The following VPS54 variants were observed in gnomAD, a reference collection of about 807,000 sequenced individuals.
The protein encoded by VPS54 is vacuolar protein sorting-associated protein 54.
VPS54 carries 45 observed loss-of-function variants against 121.5 expected under a neutral mutation model. That is an observed-to-expected ratio of 0.37 (90% CI 0.29 to 0.47). The LOEUF (loss-of-function observed/expected upper bound fraction) is 0.47, where lower values mean the gene tolerates loss of function less well. VPS54 is among the 20% of genes least tolerant of loss of function. VPS54 has a pLI of 0.99. For missense variants in VPS54, 1,090 were observed against 1,131.4 expected (o/e 0.96, Z 0.52); for synonymous variants, 371 against 385.8 (o/e 0.96, Z 0.45).
At chr2:63,926,120 G>A (rs925114337) in intron 12 of VPS54, among the ~76,000 whole-genome samples, 2 of 152,174 alleles carry the variant, frequency 1.3e-5, no homozygotes, top group African/African-American at 4.8e-5. Context: ...TCAGCCCTTT[G>A]TCCTCTCCTT....
intron 3 of VPS54, among the ~76,000 whole-genome samples, chr2:63,977,985 T>C (rs6738024): frequency 0.043 from 6,550 of 152,306 alleles, 157 homozygotes; most frequent in African/African-American, 0.045. Flanking sequence ...CTGAGACATG[T>C]AGTCCTTTCC....
chr2:64,005,850 C>CA (rs1180465797), intron 1 of VPS54, among the ~76,000 whole-genome samples: 7 of 152,272 alleles, frequency 4.6e-5, no homozygotes, highest in Middle Eastern at 3.4e-3. Context: ...ACAGACCCTA[C>CA]AAGAGTCTGT....
At position 63,976,358 on chromosome 2, in the gene VPS54, A is replaced by C. The variant is rs556717807; in HGVS notation, c.379-4114T>G. ...AGAGCGTGACCTTGTCTCAAAAAAAAAAAAAACAAAAAACAAAAAAACACA... is the reference window on the plus strand; with the variant it reads ...AGAGCGTGACCTTGTCTCAAAAAAACAAAAAACAAAAAACAAAAAAACACA... On this transcript the variant is annotated intron_variant, in intron 3 of 22. Coordinates refer to ENST00000272322, the MANE Select transcript of VPS54 (RefSeq NM_016516.3). Among the ~76,000 whole-genome samples the C allele has an allele frequency of 5.7e-3, 862 of 151,706 alleles. 14 individuals carry two copies. Among genetic ancestry groups the C allele is most frequent in the African/African-American group, 0.019 (789 of 41,388 alleles).
intron 1 of VPS54, 102 bp downstream of exon 1, chr2:64,018,836 C>CTGGGGAGGAGAGCCGA (rs1184483645): frequency 7.6e-6 from 1 of 131,736 alleles, no homozygotes; most frequent in Non-Finnish European, 1.6e-5. Context: ...CCGTTTGGGG[C>CTGGGGAGGAGAGCCGA]TGGGGAGGAG....
At chr2:63,965,708 T>C (rs1053355002) in intron 6 of VPS54, 127 bp downstream of exon 6, 165 of 1,337,596 alleles carry the variant, frequency 1.2e-4, no homozygotes, top group Non-Finnish European at 1.7e-4. Context: ...GGGAGGCTTA[T>C]AGTTATCAGT....
intron 3 of VPS54, among the ~76,000 whole-genome samples, chr2:63,977,480 C>G (rs1356008785): frequency 2.0e-5 from 3 of 152,226 alleles, no homozygotes; most frequent in Non-Finnish European, 4.4e-5. Flanking sequence ...ATTTCTTCCC[C>G]TGCCACTTCA....
chr2:63,956,413 G>A (rs909970565), intron 7 of VPS54, among the ~76,000 whole-genome samples: 2 of 152,116 alleles, frequency 1.3e-5, no homozygotes, highest in African/African-American at 4.8e-5. Flanking sequence ...AGGCTTACAA[G>A]TAGAAAACAA....
chr2:63,911,136 C>T (rs1015938298), intron 20 of VPS54, among the ~76,000 whole-genome samples: 1 of 152,168 alleles, frequency 6.6e-6, no homozygotes, highest in African/African-American at 2.4e-5. Context: ...CAATATGTTA[C>T]CGACTTTTGG....
At chr2:64,014,846 T>C (rs1678604619) in intron 1 of VPS54, among the ~76,000 whole-genome samples, 1 of 152,186 alleles carries the variant, frequency 6.6e-6, no homozygotes, top group African/African-American at 2.4e-5. Flanking sequence ...GAGTAACTTA[T>C]CCATAAGGTA....
chr2:63,915,187 A>T (rs1232352607), intron 16 of VPS54, among the ~76,000 whole-genome samples: 6 of 149,060 alleles, frequency 4.0e-5, no homozygotes, highest in African/African-American at 1.5e-4. Flanking sequence ...AAGTTTTCCG[A>T]AGATGATAAA....
At chr2:63,924,045 T>C (rs746407343) in intron 12 of VPS54, among the ~76,000 whole-genome samples, 20 of 152,334 alleles carry the variant, frequency 1.3e-4, no homozygotes, top group East Asian at 1.2e-3. Flanking sequence ...ACAGAACCTA[T>C]GCTTCATGCT....
In VPS54 at chr2:63,931,886, C is replaced by T. The variant is rs143314689; in HGVS notation, c.1739+1787G>A. On this transcript the variant is annotated intron_variant, in intron 12 of 22. Coordinates refer to ENST00000272322, the MANE Select transcript of VPS54 (RefSeq NM_016516.3). ...TTCTCAAAAGAGGACATTTATGTGG[C>T]CAAAAGACATATGAAAAAATGCTCA... 5.1e-3 allele frequency among the ~76,000 whole-genome samples: 774 copies of T among 152,204 alleles called. 23 individuals carry two copies. The highest frequency in any genetic ancestry group is 0.041 in the Admixed American group (629 of 15,286).
intron 1 of VPS54, among the ~76,000 whole-genome samples, chr2:63,995,102 T>C (rs1015840774): frequency 2.0e-5 from 3 of 152,204 alleles, no homozygotes. Context: ...TATTGCCATG[T>C]CTGGACTGCA....
chr2:63,981,507 C>G, intron 3 of VPS54, 139 bp downstream of exon 3: 2 of 931,456 alleles, frequency 2.1e-6, no homozygotes, highest in Non-Finnish European at 3.1e-6. Flanking sequence ...AAATGCAACC[C>G]AGGACAGTAC....
rs747731456 is a variant in VPS54 at position 63,909,725 on chromosome 2, G to GTTTTTGTTTTTTTTTTT, written c.2625+2619_2625+2620insAAAAAAAAAAACAAAAA. Among the ~76,000 whole-genome samples, 12 of 115,282 alleles carry GTTTTTGTTTTTTTTTTT rather than the reference G, an allele frequency of 1.0e-4. 3 individuals are homozygous for GTTTTTGTTTTTTTTTTT. Among genetic ancestry groups the GTTTTTGTTTTTTTTTTT allele is most frequent in the Admixed American group, 1.8e-4 (2 of 11,174 alleles). 75.6% of individuals were successfully genotyped at this position (115,282 alleles called of 152,430 possible). A position where few individuals can be genotyped will look rare whatever the true frequency, so the allele number is the denominator to read the frequency against. On this transcript the variant is annotated intron_variant, in intron 20 of 22. Transcript: ENST00000272322. ...AAGCGACCTCGCCTGGCCGTTTTTG[G>GTTTTTGTTTTTTTTTTT]TTTTTTTTTTTTTTTTGAGACAGAG... is the stretch of plus-strand genomic sequence containing the variant.
intron 3 of VPS54, among the ~76,000 whole-genome samples, chr2:63,977,166 T>C (rs1028787985): frequency 6.6e-6 from 1 of 152,132 alleles, no homozygotes; most frequent in African/African-American, 2.4e-5. Flanking sequence ...GTTTATCAGT[T>C]TTATTGATCA....
chr2:63,894,261 A>G (rs185737046), intron 22 of VPS54, among the ~76,000 whole-genome samples: 126 of 152,372 alleles, frequency 8.3e-4, no homozygotes, highest in African/African-American at 3.0e-3. Flanking sequence ...TGAAAAGTGT[A>G]TTAGCTCCAA....
intron 1 of VPS54, among the ~76,000 whole-genome samples, chr2:64,015,796 T>C (rs921261737): frequency 6.6e-6 from 1 of 152,180 alleles, no homozygotes. Flanking sequence ...TAAGAAGATA[T>C]CTAAATAATA....
chr2:63,966,067 G>T, intron 5 of VPS54, 101 bp from the exon 6 acceptor site: 1 of 1,195,972 alleles, frequency 8.4e-7, no homozygotes, highest in Non-Finnish European at 1.2e-6. Flanking sequence ...CGTGGATCTT[G>T]AGTATGAATA....
Sources: allele counts gnomAD v4.1 joint callset (sites outside exome capture counted in the v4.1 genomes callset), GRCh38; gene constraint gnomAD v4.1.1; transcripts MANE v1.5; gene names NCBI Gene and HGNC (gene_info 2026-07-23, HGNC 2026-07-21).